Variants in MEI4 observed in about 807,000 individuals in gnomAD.
MEI4 encodes the protein meiotic double-stranded break formation protein 4, also known as meiosis-specific protein MEI4.
In MEI4, 27 loss-of-function variants were observed where a neutral mutation model predicts 31.4. The ratio of observed to expected loss-of-function variants is 0.86; its 90% CI spans 0.63 to 1.19. The LOEUF (loss-of-function observed/expected upper bound fraction) is 1.19, where lower values mean the gene tolerates loss of function less well. Ranked by LOEUF, MEI4 falls within the 50% of genes most tolerant of loss-of-function variation. The pLI is 0.00. For synonymous variants in MEI4, 122 were observed against 145.4 expected (o/e 0.84, Z 1.16); for missense variants, 329 against 398.9 (o/e 0.82, Z 1.49).
chr6:77,809,967 A>G (rs1769536311), intron 3 of MEI4, among the ~76,000 whole-genome samples: 1 of 152,148 alleles, frequency 6.6e-6, no homozygotes, highest in East Asian at 1.9e-4. Context: ...CTATGCTATG[A>G]AAAAAATAAT....
intron 1 of MEI4, among the ~76,000 whole-genome samples, 192 bp from the exon 2 acceptor site, chr6:77,690,466 G>C (rs1769137635): frequency 6.6e-6 from 1 of 151,944 alleles, no homozygotes; most frequent in African/African-American, 2.4e-5. Context: ...TAATATGCAT[G>C]TGTGTGTATT....
In MEI4 at chr6:77,803,522, C is replaced by T. The variant is rs181635747; in HGVS notation, c.769-25409C>T. Reference sequence around the variant, plus strand: ...TTATTCTGTTGCTGGTGAGGAACTTCGTTCCTTTGGTGGAGAAGAGGCACT... The same window carrying T: ...TTATTCTGTTGCTGGTGAGGAACTTTGTTCCTTTGGTGGAGAAGAGGCACT... On this transcript the variant is annotated intron_variant, in intron 3 of 4. Transcript: ENST00000684080. Among the ~76,000 whole-genome samples, 138 of 152,328 alleles carry T rather than the reference C, an allele frequency of 9.1e-4. 1 individual carries two copies. Among genetic ancestry groups the T allele is most frequent in the African/African-American group, 3.1e-3 (128 of 41,580 alleles).
chr6:77,744,233 C>A (rs12055522), intron 2 of MEI4, among the ~76,000 whole-genome samples: 20,937 of 151,738 alleles, frequency 0.14, 1,527 homozygotes, highest in Middle Eastern at 0.21. Flanking sequence ...AAAATTTAGA[C>A]GAATGTATAA....
chr6:77,767,378 A>G (rs1310110616), intron 3 of MEI4, among the ~76,000 whole-genome samples: 1 of 151,402 alleles, frequency 6.6e-6, no homozygotes, highest in Non-Finnish European at 1.5e-5. Context: ...CCCTCAATAA[A>G]TAAATAAATG....
At chr6:77,749,277 A>C (rs1219288836) in intron 2 of MEI4, among the ~76,000 whole-genome samples, 1 of 152,150 alleles carries the variant, frequency 6.6e-6, no homozygotes, top group Non-Finnish European at 1.5e-5. Context: ...GGGTTTGATG[A>C]ATTGACAGAA....
intron 1 of MEI4, among the ~76,000 whole-genome samples, chr6:77,659,276 G>T (rs1581996080): frequency 6.6e-6 from 1 of 152,132 alleles, no homozygotes; most frequent in South Asian, 2.1e-4. Flanking sequence ...TTTGCAAATT[G>T]AATTTTGGGG....
chr6:77,746,747 A>G (rs902060737), intron 2 of MEI4, among the ~76,000 whole-genome samples: 3 of 152,006 alleles, frequency 2.0e-5, no homozygotes, highest in African/African-American at 4.8e-5. Flanking sequence ...TCAGGATAAC[A>G]TAGTGCTTTC....
At chr6:77,849,809 T>C (rs1314143059) in intron 4 of MEI4, among the ~76,000 whole-genome samples, 1 of 152,198 alleles carries the variant, frequency 6.6e-6, no homozygotes, top group Non-Finnish European at 1.5e-5. Flanking sequence ...TTAGTTGATG[T>C]CAATATGTCA....
intron 4 of MEI4, among the ~76,000 whole-genome samples, chr6:77,922,378 C>CTA (rs1390607964): frequency 6.6e-6 from 1 of 151,116 alleles, no homozygotes; most frequent in East Asian, 1.9e-4. Context: ...TAGTGATAAA[C>CTA]TATCTGCTCA....
chr6:77,886,543 G>A (rs1771623910), intron 4 of MEI4, among the ~76,000 whole-genome samples: 1 of 151,880 alleles, frequency 6.6e-6, no homozygotes, highest in African/African-American at 2.4e-5. Flanking sequence ...CAATTCTCCT[G>A]CCTCAGCCTC....
intron 4 of MEI4, among the ~76,000 whole-genome samples, chr6:77,877,514 A>AT (rs1771370861): frequency 6.6e-6 from 1 of 151,882 alleles, no homozygotes; most frequent in African/African-American, 2.4e-5. Context: ...TGACACTTAG[A>AT]TTTTCCAACC....
chr6:77,809,525 T>C (rs991509418), intron 3 of MEI4, among the ~76,000 whole-genome samples: 7 of 152,230 alleles, frequency 4.6e-5, no homozygotes, highest in Admixed American at 3.9e-4. Flanking sequence ...TAGAATTCTT[T>C]CACTTCTGTT....
At chr6:77,877,715 CTTTTT>C (rs56798153) in intron 4 of MEI4, among the ~76,000 whole-genome samples, 1 of 125,900 alleles carries the variant, frequency 7.9e-6, no homozygotes, top group African/African-American at 3.0e-5. Context: ...AGCAGTCAGC[CTTTTT>C]TTTTTTTTTT....
intron 1 of MEI4, among the ~76,000 whole-genome samples, chr6:77,686,595 A>G (rs1769058551): frequency 6.6e-6 from 1 of 152,130 alleles, no homozygotes; most frequent in Non-Finnish European, 1.5e-5. Context: ...TTTTTAGTTG[A>G]GTTATATGAT....
chr6:77,661,484 C>T (rs537071997), intron 1 of MEI4, among the ~76,000 whole-genome samples: 3 of 152,178 alleles, frequency 2.0e-5, no homozygotes, highest in East Asian at 3.9e-4. Context: ...TTTTCTGACT[C>T]GAGGCTTGTG....
At chr6:77,826,467 C>T (rs1769953922) in intron 3 of MEI4, among the ~76,000 whole-genome samples, 1 of 152,146 alleles carries the variant, frequency 6.6e-6, no homozygotes, top group South Asian at 2.1e-4. Flanking sequence ...TATTTCCCAA[C>T]TTAGATCAGC....
At chr6:77,886,547 C>A (rs1171320423) in intron 4 of MEI4, among the ~76,000 whole-genome samples, 1 of 152,076 alleles carries the variant, frequency 6.6e-6, no homozygotes, top group Admixed American at 6.5e-5. Context: ...TCTCCTGCCT[C>A]AGCCTCCCAA....
At chr6:77,857,041 C>T (rs928406803) in intron 4 of MEI4, among the ~76,000 whole-genome samples, 17 of 152,010 alleles carry the variant, frequency 1.1e-4, no homozygotes, top group East Asian at 9.6e-4. Context: ...TTTTTATAGC[C>T]GCAAATTTTT....
chr6:77,869,043 T>C (rs1207690766), intron 4 of MEI4, among the ~76,000 whole-genome samples: 1 of 152,166 alleles, frequency 6.6e-6, no homozygotes, highest in Non-Finnish European at 1.5e-5. Context: ...GAAAAGTTAC[T>C]CACTCATTCA....
Sources: allele counts gnomAD v4.1 joint callset (sites outside exome capture counted in the v4.1 genomes callset), GRCh38; gene constraint gnomAD v4.1.1; transcripts MANE v1.5; gene names NCBI Gene and HGNC (gene_info 2026-07-23, HGNC 2026-07-21).